PC: variants seen among roughly 807,000 people sequenced by gnomAD.
PC encodes the protein pyruvate carboxylase, mitochondrial.
In PC, 46 loss-of-function variants were observed where a neutral mutation model predicts 107.8. The observed-to-expected ratio is 0.43, with a 90% CI of 0.34 to 0.55. The LOEUF (loss-of-function observed/expected upper bound fraction) is 0.55, where lower values mean the gene tolerates loss of function less well. Among genes scored for constraint, PC ranks in the 20% least tolerant of loss-of-function variants. The pLI, the probability that PC is intolerant of heterozygous loss-of-function variation, is 0.04. For missense variants in PC, 1,241 were observed against 1,643.1 expected (o/e 0.76, Z 4.23); for synonymous variants, 662 against 684.7 (o/e 0.97, Z 0.52).
intron 3 of PC, among the ~76,000 whole-genome samples, chr11:66,939,873 A>T (rs1213080057): frequency 6.6e-6 from 1 of 151,318 alleles, no homozygotes; most frequent in African/African-American, 2.4e-5. Context: ...GCAGAGACAC[A>T]TGAGAAAGAA....
chr11:66,853,163 G>T (rs996346588), intron 13 of PC, 76 bp downstream of exon 13: 2 of 1,547,012 alleles, frequency 1.3e-6, no homozygotes, highest in Non-Finnish European at 8.8e-7. Context: ...GTCATGGGGA[G>T]TGGCAAGGAG....
intron 3 of PC, among the ~76,000 whole-genome samples, chr11:66,927,398 G>T (rs1948741972): frequency 6.6e-6 from 1 of 150,598 alleles, no homozygotes. Context: ...GCGCTGGATG[G>T]CAGTAGAAAT....
intron 3 of PC, among the ~76,000 whole-genome samples, chr11:66,874,046 G>A (rs1358901290): frequency 6.6e-5 from 10 of 151,522 alleles, no homozygotes; most frequent in Admixed American, 6.6e-4. Context: ...TGCAACCTCC[G>A]CCTCCTGGGT....
chr11:66,883,581 C>T (rs1310826229), intron 3 of PC, among the ~76,000 whole-genome samples: 1 of 152,194 alleles, frequency 6.6e-6, no homozygotes, highest in East Asian at 1.9e-4. Context: ...CAGCAAAGAG[C>T]ATTTAATGTT....
At chr11:66,910,183 T>C (rs1948294358) in intron 3 of PC, among the ~76,000 whole-genome samples, 1 of 152,018 alleles carries the variant, frequency 6.6e-6, no homozygotes. Context: ...GTCGCTCACA[T>C]GCTCAACAAC....
At chr11:66,906,667 A>G (rs1310193203) in intron 3 of PC, among the ~76,000 whole-genome samples, 2 of 151,806 alleles carry the variant, frequency 1.3e-5, no homozygotes, top group African/African-American at 4.8e-5. Context: ...ACACATGCAC[A>G]CTGCATTTCT....
At chr11:66,946,744 G>T (rs1000712985) in intron 3 of PC, among the ~76,000 whole-genome samples, 1 of 152,000 alleles carries the variant, frequency 6.6e-6, no homozygotes, top group African/African-American at 2.4e-5. Context: ...AGCCACGATC[G>T]CATCAGTGCA....
At chr11:66,875,215 G>A (rs940046445) in intron 3 of PC, among the ~76,000 whole-genome samples, 1 of 150,910 alleles carries the variant, frequency 6.6e-6, no homozygotes, top group Non-Finnish European at 1.5e-5. Context: ...GCTGAGAGAC[G>A]CGGAGCCTCT....
chr11:66,849,053 C>G lies in PC; in HGVS notation c.3383G>C (p.Gly1128Ala), dbSNP rs138990904. The change falls in exon 23 of 23, where the codon GGG becomes GCG. Residue 1128 changes from glycine to alanine, a missense_variant. This residue lies in a region of PC where 98 missense variants were observed against 91.2 expected (regional missense o/e 1.07). Transcript: ENST00000393960. ...GKVIDIKVVA[G>A]AKVAKGQPLC... The stretch of plus-strand genomic sequence containing the variant: ...GGGCTGGCCCTTGGCCACCTTGGCC[C>G]CTGCCACCACTTTGATGTCTATCAC... The G allele has an allele frequency of 6.8e-6, 11 of 1,613,982 alleles. No individual in the cohort carries two copies. The African/African-American group carries it at 1.1e-4, about 16-fold the overall frequency.
intron 3 of PC, among the ~76,000 whole-genome samples, chr11:66,894,664 C>T (rs958521534): frequency 3.3e-5 from 5 of 152,182 alleles, no homozygotes; most frequent in Admixed American, 3.3e-4. Context: ...AGCTCCAGGC[C>T]TCCCACCTCC....
intron 3 of PC, among the ~76,000 whole-genome samples, chr11:66,929,932 G>C (rs981472487): frequency 2.0e-5 from 3 of 152,146 alleles, no homozygotes; most frequent in Non-Finnish European, 2.9e-5. Context: ...CTTTTATCTA[G>C]ATGGCATTTG....
At chr11:66,915,106 G>A (rs1173616430) in intron 3 of PC, among the ~76,000 whole-genome samples, 1 of 152,138 alleles carries the variant, frequency 6.6e-6, no homozygotes, top group South Asian at 2.1e-4. Context: ...GGGCTCACAA[G>A]GCAAACAGAC....
At position 66,858,626 on chromosome 11, in the gene PC, A is replaced by C. The variant is rs974985014; in HGVS notation, c.1368+5148T>G. ...ACACGCAGCGCCTCTGGGTGCTGGA[A>C]GGCCAGCGGGCCACGCTGCGGTGCC... is the stretch of plus-strand genomic sequence containing the variant. On this transcript the variant is annotated intron_variant, in intron 12 of 22. Coordinates refer to ENST00000393960, the MANE Select transcript of PC (RefSeq NM_001040716.2). The surrounding 1 kb of genome is among the most constrained non-coding windows in gnomAD (Gnocchi z 5.9). The C allele has an allele frequency of 2.0e-6, 3 of 1,536,942 alleles. No individual in the cohort carries two copies. The Admixed American group carries it at 5.9e-5, about 30-fold the overall frequency.
chr11:66,882,930 G>T (rs538908089), intron 3 of PC, among the ~76,000 whole-genome samples: 25 of 152,334 alleles, frequency 1.6e-4, no homozygotes, highest in Admixed American at 6.5e-5. Flanking sequence ...GGGCAGGGGG[G>T]GCAGAAGGGA....
chr11:66,933,697 A>G (rs1184544820), intron 3 of PC, among the ~76,000 whole-genome samples: 3 of 151,954 alleles, frequency 2.0e-5, no homozygotes, highest in African/African-American at 7.3e-5. Context: ...TCCCATTGCA[A>G]CCACTTCCCT....
At chr11:66,939,108 T>C (rs933198872) in intron 3 of PC, among the ~76,000 whole-genome samples, 1 of 152,228 alleles carries the variant, frequency 6.6e-6, no homozygotes, top group African/African-American at 2.4e-5. Context: ...GTCAGCCCTC[T>C]GTATCTGTGG....
At chr11:66,928,778 G>A (rs1591294653) in intron 3 of PC, among the ~76,000 whole-genome samples, 2 of 151,992 alleles carry the variant, frequency 1.3e-5, no homozygotes, top group African/African-American at 2.4e-5. Context: ...ACCTACCTCC[G>A]ACTCCCAAAG....
At chr11:66,873,426 A>T (rs1274559912) in intron 3 of PC, among the ~76,000 whole-genome samples, 19 of 84,794 alleles carry the variant, frequency 2.2e-4, no homozygotes, top group African/African-American at 8.1e-4. Context: ...ATAATATATT[A>T]TATATATTAT....
intron 3 of PC, among the ~76,000 whole-genome samples, chr11:66,936,464 T>C (rs1360009978): frequency 6.6e-6 from 1 of 152,142 alleles, no homozygotes; most frequent in East Asian, 1.9e-4. Flanking sequence ...ACCAATATTG[T>C]TATTGGCAAT....
Sources: allele counts gnomAD v4.1 joint callset (sites outside exome capture counted in the v4.1 genomes callset), GRCh38; gene constraint gnomAD v4.1.1; regional missense constraint gnomAD v4.1.1; non-coding constraint Gnocchi (gnomAD v3.1); transcripts MANE v1.5; gene names NCBI Gene and HGNC (gene_info 2026-07-23, HGNC 2026-07-21).